Variants in FCER2 observed in about 807,000 individuals in gnomAD.
The protein encoded by FCER2 is Fc epsilon receptor II.
A neutral mutation model predicts 49.7 loss-of-function variants in FCER2; 38 were observed. The ratio of observed to expected loss-of-function variants is 0.76; its 90% CI spans 0.59 to 1.00. The LOEUF is 1.00. Ranked by LOEUF, FCER2 falls within the 50% of genes least tolerant of loss-of-function variation. FCER2 has a pLI of 0.00. For synonymous variants in FCER2, 163 were observed against 164.6 expected, an observed-to-expected ratio of 0.99 and a Z score of 0.07; for missense variants, 425 against 419.5, an observed-to-expected ratio of 1.01 and a Z score of -0.11.
At position 7,688,950 on chromosome 19, in the gene FCER2, G is replaced by A; in HGVS notation, c.*243C>T. On this transcript the variant is annotated 3_prime_UTR_variant, in exon 11 of 11. Coordinates refer to ENST00000597921, the MANE Select transcript of FCER2 (RefSeq NM_001220500.2). ...TGCTGTTGGGGTGTACTCTCATCTG[G>A]AGAGGGTGCTGTTGGGGTGTACTCT... 1 of 554,678 alleles carries A rather than the reference G, an allele frequency of 1.8e-6. No homozygotes were observed. The highest frequency in any genetic ancestry group is 3.2e-6 in the Non-Finnish European group (1 of 309,114). The allele number at this position is 554,678 out of a possible 1,614,324, so 34.4% of individuals were successfully genotyped here. A position where few individuals can be genotyped will look rare whatever the true frequency, so the allele number is the denominator to read the frequency against.
Position 7,698,743 on chromosome 19 carries a change from C to T in FCER2, c.134G>A (p.Trp45Ter). The T allele has an allele frequency of 6.2e-7, 1 of 1,612,298 alleles. No homozygotes were observed. Among genetic ancestry groups the T allele is most frequent in the Non-Finnish European group, 8.5e-7 (1 of 1,179,444 alleles). The change falls in exon 3 of 11, where the codon TGG becomes TAG. Residue 45 changes from tryptophan to a stop codon, truncating the protein, a stop_gained and splice_region_variant. Coordinates refer to ENST00000597921, the MANE Select transcript of FCER2 (RefSeq NM_001220500.2). LOFTEE classifies it high-confidence loss of function. ...WAGLLTLLLL[W>*]HWDTTQSLKQ... ...CATGGAGCTGGGGGTGTCCTCACGC[C>T]ACAGGAGAAGCAGAGTCAGCAGCCC...
rs2032781356 is a variant in FCER2, at chr19:7,689,134, C to T, written c.*59G>A. 1.6e-6 allele frequency: 2 copies of T among 1,235,920 alleles called. No individual in the cohort carries two copies. The highest frequency in any genetic ancestry group is 1.9e-5 in the Admixed American group (1 of 52,818). 76.6% of individuals were successfully genotyped at this position (1,235,920 alleles called of 1,614,324 possible). ...CAGGGACCTTTCAGCCACAAAGAGGCTTTTAGGCCGTGGTTGGGGGTCTTC... is the reference window on the plus strand; with the variant it reads ...CAGGGACCTTTCAGCCACAAAGAGGTTTTTAGGCCGTGGTTGGGGGTCTTC... On this transcript the variant is annotated 3_prime_UTR_variant, in exon 11 of 11. Transcript: ENST00000597921.
chr19:7,689,207 G>C lies in FCER2; in HGVS notation c.952C>G (p.Pro318Ala), dbSNP rs1472751595. 1.2e-6 allele frequency: 2 copies of C among 1,610,510 alleles called. 1 individual carries two copies. Among genetic ancestry groups the C allele is most frequent in the South Asian group, 2.2e-5 (2 of 90,960 alleles). Residue 318 changes from proline (P) to alanine (A), a missense_variant, in exon 11 of 11, where the codon CCT (proline) becomes GCT (alanine). Pro to Ala is a conservative substitution (Grantham distance 27, BLOSUM62 -1). Coordinates refer to ENST00000597921, the MANE Select transcript of FCER2 (RefSeq NM_001220500.2). ...TGTATCCATGCTCAAGAGTGGAGAG[G>C]GGCAGAGGGGGTGGGCAGGCGGCCG... ...PDGRLPTPSA[P>A]LHS is the part of the protein sequence containing the mutation.
intron 4 of FCER2, 59 bp downstream of exon 4, chr19:7,698,297 G>A (rs1481870143): frequency 1.7e-5 from 20 of 1,212,104 alleles, no homozygotes; most frequent in Non-Finnish European, 2.2e-5. Context: ...AGAGGAGCGG[G>A]ATGAGTGCTG....
intron 8 of FCER2, among the ~76,000 whole-genome samples, chr19:7,693,074 C>T (rs2032924563): frequency 6.6e-6 from 1 of 152,152 alleles, no homozygotes; most frequent in Non-Finnish European, 1.5e-5. Flanking sequence ...CTCCACCACC[C>T]ACACCACAGC....
chr19:7,690,014 G>A (rs1228271703), intron 10 of FCER2, 145 bp downstream of exon 10: 2 of 620,158 alleles, frequency 3.2e-6, no homozygotes, highest in East Asian at 2.8e-5. Flanking sequence ...AGGTCCCCCA[G>A]CCCCCACTGG....
At position 7,689,186 on chromosome 19, in the gene FCER2, T is replaced by A. The variant is rs780998455; in HGVS notation, c.*7A>T. ...GGGTCTTGCTCTGGGCCTGGCTGTA[T>A]CCATGCTCAAGAGTGGAGAGGGGCA... On this transcript the variant is annotated 3_prime_UTR_variant, in exon 11 of 11. Coordinates refer to ENST00000597921, the MANE Select transcript of FCER2 (RefSeq NM_001220500.2). 14 of 1,587,078 alleles carry A rather than the reference T, an allele frequency of 8.8e-6. 1 individual carries two copies. The highest frequency in any genetic ancestry group is 8.1e-5 in the African/African-American group (6 of 74,302).
At chr19:7,691,252 C>T (rs141683974) in intron 8 of FCER2, among the ~76,000 whole-genome samples, 6 of 152,098 alleles carry the variant, frequency 3.9e-5, no homozygotes, top group Non-Finnish European at 8.8e-5. Flanking sequence ...GCTACAAGCA[C>T]CACCATGGCC....
At position 7,702,032 on chromosome 19, in the gene FCER2, G is replaced by A. The variant is rs2033163466; in HGVS notation, c.-103C>T. On this transcript the variant is annotated 5_prime_UTR_variant, in exon 1 of 11. Coordinates refer to ENST00000597921, the MANE Select transcript of FCER2 (RefSeq NM_001220500.2). ...ATACGTACTCACTTAGTGGAGTTTG[G>A]AGCCTGTGTCTGTCCTCCTAGTGTG... The A allele has an allele frequency of 6.6e-6, 1 of 152,106 alleles. No homozygotes were observed. Among genetic ancestry groups the A allele is most frequent in the Non-Finnish European group, 1.5e-5 (1 of 68,040 alleles). 9.4% of individuals were successfully genotyped at this position (152,106 alleles called of 1,614,324 possible).
chr19:7,701,863 C>T (rs2033158231), intron 1 of FCER2, among the ~76,000 whole-genome samples, 152 bp downstream of exon 1: 1 of 139,420 alleles, frequency 7.2e-6, no homozygotes, highest in Admixed American at 7.1e-5. Context: ...ACACTGCGGC[C>T]CCCACCCCCG....
At chr19:7,694,867 C>T (rs192526901) in intron 8 of FCER2, among the ~76,000 whole-genome samples, 1 of 152,238 alleles carries the variant, frequency 6.6e-6, no homozygotes, top group Non-Finnish European at 1.5e-5. Context: ...CAAGGTCCCA[C>T]TCTGTTGCCC....
At chr19:7,698,614 C>T in intron 3 of FCER2, 127 bp downstream of exon 3, 8 of 1,308,378 alleles carry the variant, frequency 6.1e-6, no homozygotes, top group Non-Finnish European at 8.4e-6. Flanking sequence ...AGATGGGAGG[C>T]AGGATGGGAA....
At chr19:7,701,712 G>T (rs1372872112) in intron 1 of FCER2, among the ~76,000 whole-genome samples, 1 of 152,024 alleles carries the variant, frequency 6.6e-6, no homozygotes, top group African/African-American at 2.4e-5. Context: ...AACCCAAGAG[G>T]TCCTGCCTCT....
intron 1 of FCER2, 113 bp from the exon 2 acceptor site, chr19:7,699,958 C>T: frequency 4.7e-6 from 3 of 633,518 alleles, no homozygotes; most frequent in South Asian, 3.6e-5. Flanking sequence ...TTTGTTTAGT[C>T]TACAATCTGG....
At chr19:7,698,455 G>A (rs921932744) in intron 3 of FCER2, 46 bp from the exon 4 acceptor site, 1 of 1,411,744 alleles carries the variant, frequency 7.1e-7, no homozygotes. Context: ...GATTGTCAGT[G>A]CCCCCACCTG....
chr19:7,696,936 G>T, intron 7 of FCER2, 22 bp from the exon 8 acceptor site: 1 of 1,566,076 alleles, frequency 6.4e-7, no homozygotes, highest in South Asian at 1.2e-5. Context: ...AACAAGGGGC[G>T]GTGCTCAGAG....
intron 8 of FCER2, among the ~76,000 whole-genome samples, chr19:7,692,969 G>A (rs1049278171): frequency 6.6e-6 from 1 of 152,028 alleles, no homozygotes; most frequent in Non-Finnish European, 1.5e-5. Context: ...CTCATGGCCA[G>A]CAGCACTTCA....
At chr19:7,694,070 G>A (rs989831450) in intron 8 of FCER2, among the ~76,000 whole-genome samples, 2 of 152,138 alleles carry the variant, frequency 1.3e-5, no homozygotes, top group Admixed American at 1.3e-4. Context: ...GGGATTACAG[G>A]CGTGAGCCAC....
intron 4 of FCER2, 75 bp from the exon 5 acceptor site, chr19:7,697,664 T>C: frequency 8.5e-7 from 1 of 1,173,882 alleles, no homozygotes; most frequent in Non-Finnish European, 1.3e-6. Flanking sequence ...TGCCCCAGGC[T>C]CAGGGACCCT....
Sources: allele counts gnomAD v4.1 joint callset (sites outside exome capture counted in the v4.1 genomes callset), GRCh38; gene constraint gnomAD v4.1.1; transcripts MANE v1.5; gene names NCBI Gene and HGNC (gene_info 2026-07-23, HGNC 2026-07-21).